The following TECTA variants were observed in gnomAD, a reference collection of about 807,000 sequenced individuals.
The protein encoded by TECTA is alpha-tectorin.
In TECTA, 128 loss-of-function variants were observed where a neutral mutation model predicts 216.8. The ratio of observed to expected loss-of-function variants is 0.59; its 90% CI spans 0.51 to 0.68. TECTA has a LOEUF of 0.68. Ranked by LOEUF, TECTA falls within the 30% of genes least tolerant of loss-of-function variation. TECTA has a pLI of 0.00. For missense variants in TECTA, 2,551 were observed against 2,786.2 expected (o/e 0.92, Z 1.90); for synonymous variants, 1,089 against 1,117.1 (o/e 0.97, Z 0.50).
At chr11:121,118,860 T>C in intron 7 of TECTA, 142 bp downstream of exon 7, 3 of 1,152,818 alleles carry the variant, frequency 2.6e-6, no homozygotes, top group South Asian at 2.7e-5. Flanking sequence ...GCCTTGCAAA[T>C]AGCTTGTAAA....
chr11:121,114,845 T>C (rs1274648220), intron 6 of TECTA, among the ~76,000 whole-genome samples: 17 of 30,856 alleles, frequency 5.5e-4, no homozygotes, highest in Middle Eastern at 0.016. Flanking sequence ...ACCCACCCAT[T>C]CACCCACCCA....
At chr11:121,130,296 G>T in intron 10 of TECTA, 85 bp downstream of exon 10, 2 of 1,476,618 alleles carry the variant, frequency 1.4e-6, no homozygotes, top group Non-Finnish European at 1.8e-6. Context: ...TCCCTTCCAG[G>T]TGGGACTGAG....
intron 10 of TECTA, 90 bp downstream of exon 10, chr11:121,130,301 A>G (rs1450013864): frequency 1.4e-6 from 2 of 1,448,594 alleles, no homozygotes; most frequent in Non-Finnish European, 1.9e-6. Context: ...TCCAGGTGGG[A>G]CTGAGCTCAA....
Position 121,130,097 on chromosome 11 carries a change from C to T in TECTA, c.2827C>T (p.Leu943=). 1 of 1,613,714 alleles carries T rather than the reference C, an allele frequency of 6.2e-7. No individual in the cohort carries two copies. Among genetic ancestry groups the T allele is most frequent in the East Asian group, 2.2e-5 (1 of 44,878 alleles). Residue 943 remains leucine, a synonymous_variant, in exon 10 of 24, where the codon CTG becomes TTG. Transcript: ENST00000392793. ...CTATTACCGCACCTGCCTTTTCCGC[C>T]TGTGCCAGAGTGGGGGCAATGAGTC... ...TAYYRTCLFR[L]CQSGGNESEL...
Position 121,160,228 on chromosome 11 carries a change from GA to G in TECTA, c.4784del (p.Asp1595AlafsTer35), listed in dbSNP as rs1428662443. On this transcript the variant is annotated frameshift_variant, in exon 15 of 24. Transcript: ENST00000392793. LOFTEE classifies it high-confidence loss of function. ...GTTTCTGGTGATTGACACCAGCCCA[GA>G]CATCCAGATATACTACAATGGTTTC... The part of the protein sequence containing the change: ...EGFLVIDTSP[D>X]IQIYYNGFNV... The G allele has an allele frequency of 6.2e-7, 1 of 1,614,218 alleles. No individual in the cohort carries two copies. The highest frequency in any genetic ancestry group is 1.7e-5 in the Admixed American group (1 of 60,028).
chr11:121,132,243 T>C (rs1946681843), intron 10 of TECTA, among the ~76,000 whole-genome samples: 1 of 152,238 alleles, frequency 6.6e-6, no homozygotes, highest in African/African-American at 2.4e-5. Flanking sequence ...TTTAGATGAC[T>C]CATGGATTCC....
At chr11:121,106,786 C>T (rs144414121) in intron 3 of TECTA, among the ~76,000 whole-genome samples, 10 of 152,286 alleles carry the variant, frequency 6.6e-5, no homozygotes, top group East Asian at 3.9e-4. Context: ...GGATGATTCC[C>T]GCTAGAAAAG....
At position 121,187,815 on chromosome 11, in the gene TECTA, T is replaced by C; in HGVS notation, c.6000-17T>C. On this transcript the variant is annotated splice_polypyrimidine_tract_variant and intron_variant, in intron 20 of 23. Coordinates refer to ENST00000392793, the MANE Select transcript of TECTA (RefSeq NM_005422.4). ...GAAAACATGTGAAGCAAAGATTCCA[T>C]TATTTTTTCTGAATAGGTGTCAGAA... 1 of 1,614,204 alleles carries C rather than the reference T, an allele frequency of 6.2e-7. No individual in the cohort carries two copies. The highest frequency in any genetic ancestry group is 8.5e-7 in the Non-Finnish European group (1 of 1,180,010).
Position 121,113,533 on chromosome 11 carries a change from G to C in TECTA, c.625-20G>C. Reference sequence around the variant, plus strand: ...GGGAATTTTTGTACTCAAAAATCTTGTCTTCCTTTTGTGCTGCAGGCAGGA... The same window carrying C: ...GGGAATTTTTGTACTCAAAAATCTTCTCTTCCTTTTGTGCTGCAGGCAGGA... On this transcript the variant is annotated intron_variant, in intron 5 of 23. Coordinates refer to ENST00000392793, the MANE Select transcript of TECTA (RefSeq NM_005422.4). This position sits in a 1 kb window ranked among gnomAD's most constrained non-coding sequence, Gnocchi z 4.2. 3.7e-6 allele frequency: 6 copies of C among 1,614,018 alleles called. No individual in the cohort carries two copies. The highest frequency in any genetic ancestry group is 5.1e-6 in the Non-Finnish European group (6 of 1,180,022).
At chr11:121,170,162 T>C (rs985158201) in intron 20 of TECTA, among the ~76,000 whole-genome samples, 1 of 152,170 alleles carries the variant, frequency 6.6e-6, no homozygotes, top group Non-Finnish European at 1.5e-5. Flanking sequence ...GTTCTGACCA[T>C]GTTGTTGCAA....
At chr11:121,134,377 C>T (rs1490569235) in intron 10 of TECTA, among the ~76,000 whole-genome samples, 2 of 127,708 alleles carry the variant, frequency 1.6e-5, no homozygotes, top group South Asian at 2.6e-4. Context: ...CTCTATGATT[C>T]CTGACCTTGG....
chr11:121,168,458 C>A, intron 19 of TECTA: 1 of 846,052 alleles, frequency 1.2e-6, no homozygotes, highest in Non-Finnish European at 1.8e-6. Flanking sequence ...AAATGTGGCT[C>A]AGGGGGCTGC....
At chr11:121,135,126 G>T (rs969426291) in intron 10 of TECTA, among the ~76,000 whole-genome samples, 1 of 152,192 alleles carries the variant, frequency 6.6e-6, no homozygotes, top group Non-Finnish European at 1.5e-5. Context: ...TCAGGCCGCC[G>T]AGCACTAAGG....
chr11:121,153,889 T>C (rs1046974668), intron 13 of TECTA, among the ~76,000 whole-genome samples: 2 of 152,218 alleles, frequency 1.3e-5, no homozygotes, highest in African/African-American at 2.4e-5. Flanking sequence ...TCTGTTTAAA[T>C]GATATCAAAA....
At chr11:121,167,090 T>A (rs1947061846) in intron 18 of TECTA, among the ~76,000 whole-genome samples, 1 of 152,284 alleles carries the variant, frequency 6.6e-6, no homozygotes, top group East Asian at 1.9e-4. Flanking sequence ...CAAATACATA[T>A]AGGCTTAGCT....
At chr11:121,107,409 A>G (rs1032791136) in intron 3 of TECTA, among the ~76,000 whole-genome samples, 1 of 152,152 alleles carries the variant, frequency 6.6e-6, no homozygotes. Flanking sequence ...AGCCTCTAGG[A>G]TGTTCCCAAT....
At position 121,160,311 on chromosome 11, in the gene TECTA, T is replaced by G; in HGVS notation, c.4866T>G (p.Cys1622Trp). ...TGCAGAACAAAGTGTGCGGTCTCTG[T>G]GGCAACTTCAACGGGGACCTAACAG... ...ERLQNKVCGLCGNFNGDLTDD... is the reference protein window; with the variant it reads ...ERLQNKVCGLWGNFNGDLTDD... Residue 1622 changes from cysteine (C) to tryptophan (W), a missense_variant, in exon 15 of 24, where the codon TGT becomes TGG. By Grantham distance (215) the Cys-to-Trp change is radical. Around this residue, in one of 3 missense-constraint regions of TECTA, gnomAD observed 2,375 missense variants for 2,563.9 expected, o/e 0.93. Transcript: ENST00000392793. The G allele has an allele frequency of 2.5e-6, 4 of 1,614,178 alleles. No individual in the cohort carries two copies. The highest frequency in any genetic ancestry group is 3.4e-6 in the Non-Finnish European group (4 of 1,180,052).
chr11:121,101,485 T>C (rs964687613), intron 1 of TECTA, 43 bp downstream of exon 1: 1 of 152,230 alleles, frequency 6.6e-6, no homozygotes, highest in African/African-American at 2.4e-5. Flanking sequence ...AAATGAATCC[T>C]CCTTACTTCT....
In TECTA at chr11:121,190,754, T is replaced by G; in HGVS notation, c.6416T>G (p.Met2139Arg). Reference protein sequence around the residue: ...ELQVWTLLLIMIQISLWHFVY... With the variant: ...ELQVWTLLLIRIQISLWHFVY... ...CAAGTCTGGACGCTTCTTCTCATCA[T>G]GATCCAGATTTCATTATGGCATTTT... Residue 2139 changes from methionine to arginine, a missense_variant, in exon 24 of 24, where the codon ATG (methionine) becomes AGG (arginine). Met to Arg is a moderately conservative substitution (Grantham distance 91, BLOSUM62 -1). This residue lies in a region of TECTA where 118 missense variants were observed against 116.4 expected (regional missense o/e 1.01). Coordinates refer to ENST00000392793, the MANE Select transcript of TECTA (RefSeq NM_005422.4). 1 of 1,614,000 alleles carries G rather than the reference T, an allele frequency of 6.2e-7. No individual in the cohort carries two copies. Among genetic ancestry groups the G allele is most frequent in the Non-Finnish European group, 8.5e-7 (1 of 1,179,924 alleles).
Sources: gnomAD v4.1 joint callset for allele counts (sites outside exome capture counted in the v4.1 genomes callset) on GRCh38, gnomAD v4.1.1 for gene constraint, gnomAD v4.1.1 regional missense constraint, Gnocchi (gnomAD v3.1) non-coding constraint, MANE v1.5 for transcripts, NCBI Gene and HGNC (gene_info 2026-07-23, HGNC 2026-07-21) for gene names.